The following CAMTA1 variants were observed in gnomAD, a reference collection of about 807,000 sequenced individuals.
CAMTA1 encodes calmodulin-binding transcription activator 1.
CAMTA1 carries 27 observed loss-of-function variants against 170.9 expected under a neutral mutation model. The observed-to-expected ratio is 0.16, with a 90% CI of 0.12 to 0.22. The LOEUF is 0.22. Among genes scored for constraint, CAMTA1 ranks in the 10% least tolerant of loss-of-function variants. The pLI is 1.00. For synonymous variants in CAMTA1, 833 were observed against 891.5 expected (o/e 0.93, Z 1.17); for missense variants, 1,619 against 2,217.2 (o/e 0.73, Z 5.42).
At chr1:7,632,893 G>C (rs2148872994) in intron 6 of CAMTA1, among the ~76,000 whole-genome samples, 1 of 152,362 alleles carries the variant, frequency 6.6e-6, no homozygotes, top group East Asian at 1.9e-4. Context: ...GCAGAGCTCA[G>C]CTCCCCTCTG....
chr1:7,362,604 T>G (rs1331975310), intron 5 of CAMTA1, among the ~76,000 whole-genome samples: 5 of 151,574 alleles, frequency 3.3e-5, no homozygotes, highest in Non-Finnish European at 7.4e-5. Context: ...TTGGTGGACT[T>G]TGGTAGGATT....
At chr1:7,436,109 T>C (rs2092338874) in intron 5 of CAMTA1, among the ~76,000 whole-genome samples, 1 of 152,194 alleles carries the variant, frequency 6.6e-6, no homozygotes, top group South Asian at 2.1e-4. Context: ...CTGATATGAA[T>C]ATTGATTGGA....
Position 7,594,117 on chromosome 1 carries a change from GAGAA to G in CAMTA1, c.511-46262_511-46259del, listed in dbSNP as rs373681342. 4.2e-3 allele frequency among the ~76,000 whole-genome samples: 549 copies of G among 130,764 alleles called. 12 individuals carry two copies. The highest frequency in any genetic ancestry group is 0.04 in the South Asian group (173 of 4,340). The allele number at this position is 130,764 out of a possible 152,430, so 85.8% of individuals were successfully genotyped here. ...AGAGGAAAGAAGAAAGAAAGAAAGA[GAGAA>G]AGAAAGAAAGAAAGAAAGAAGGAAG... On this transcript the variant is annotated intron_variant, in intron 6 of 22. Transcript: ENST00000303635.
At chr1:7,279,563 T>A (rs1671215440) in intron 5 of CAMTA1, among the ~76,000 whole-genome samples, 1 of 152,138 alleles carries the variant, frequency 6.6e-6, no homozygotes, top group African/African-American at 2.4e-5. Flanking sequence ...GAGCAGCTGC[T>A]CTGCATGGCT....
At chr1:7,084,607 T>G (rs1372798924) in intron 3 of CAMTA1, among the ~76,000 whole-genome samples, 1 of 152,226 alleles carries the variant, frequency 6.6e-6, no homozygotes, top group Non-Finnish European at 1.5e-5. Context: ...GGGGCCCTGC[T>G]CTCCTTGAAG....
intron 16 of CAMTA1, among the ~76,000 whole-genome samples, chr1:7,744,128 CT>C (rs60348958): frequency 0.014 from 1,142 of 84,234 alleles, 15 homozygotes; most frequent in African/African-American, 0.05. Flanking sequence ...CGCCTGGCCT[CT>C]TTTTTTTTTT....
At chr1:7,312,485 C>G (rs917776414) in intron 5 of CAMTA1, among the ~76,000 whole-genome samples, 1 of 152,104 alleles carries the variant, frequency 6.6e-6, no homozygotes, top group Non-Finnish European at 1.5e-5. Flanking sequence ...GCTCGTGGCT[C>G]TTTCAGGGGT....
chr1:7,666,753 A>C (rs1216980820), intron 9 of CAMTA1, among the ~76,000 whole-genome samples: 2 of 152,160 alleles, frequency 1.3e-5, no homozygotes, highest in Non-Finnish European at 2.9e-5. Flanking sequence ...AAAGCTAAGA[A>C]AATCTGTGTA....
chr1:6,961,652 C>T (rs546106157), intron 3 of CAMTA1, among the ~76,000 whole-genome samples: 1 of 152,304 alleles, frequency 6.6e-6, no homozygotes, highest in East Asian at 1.9e-4. Context: ...GGAATATTCA[C>T]TGGCAGTGAC....
rs984108369 is a variant in CAMTA1 at position 6,903,926 on chromosome 1, G to A, written c.234+78716G>A. 6.6e-5 allele frequency among the ~76,000 whole-genome samples: 10 copies of A among 152,284 alleles called. No individual in the cohort carries two copies. In the Middle Eastern group the frequency reaches 0.01, roughly 155 times the overall value. The stretch of plus-strand genomic sequence containing the variant: ...TGTACTCTCCATGGGCAGTGTCATC[G>A]TTGGGCAAGACTTCTATCATTACCA... On this transcript the variant is annotated intron_variant, in intron 3 of 22. Transcript: ENST00000303635.
chr1:7,057,810 C>T (rs1251516749), intron 3 of CAMTA1, among the ~76,000 whole-genome samples: 4 of 152,236 alleles, frequency 2.6e-5, no homozygotes, highest in Admixed American at 6.5e-5. Context: ...AGGAGACCTC[C>T]GCTTTGGCCA....
intron 6 of CAMTA1, among the ~76,000 whole-genome samples, chr1:7,560,074 C>G (rs1317284871): frequency 2.0e-5 from 3 of 152,184 alleles, no homozygotes; most frequent in African/African-American, 7.2e-5. Context: ...GAGGATGGAT[C>G]TAAATGGGGA....
chr1:7,526,742 C>T (rs2094436359), intron 6 of CAMTA1, among the ~76,000 whole-genome samples: 1 of 152,192 alleles, frequency 6.6e-6, no homozygotes, highest in Non-Finnish European at 1.5e-5. Flanking sequence ...TTCTGGATAC[C>T]CTCAGGGCAT....
Position 7,664,511 on chromosome 1 carries a change from C to T in CAMTA1, c.1964C>T (p.Thr655Ile). Residue 655 changes from threonine to isoleucine, a missense_variant, in exon 9 of 23, where the codon ACC becomes ATC. Physicochemically the swap from Thr to Ile is moderately conservative, Grantham distance 89. Coordinates refer to ENST00000303635, the MANE Select transcript of CAMTA1 (RefSeq NM_015215.4). ...GTGAAAACGGAGGCCTCGTCCCAAA[C>T]CAGCTCCTGCAGCGGTCACGTGGAG... is the stretch of plus-strand genomic sequence containing the variant. ...PTVKTEASSQ[T>I]SSCSGHVETR... 6.2e-7 allele frequency: 1 copy of T among 1,613,308 alleles called. No homozygotes were observed. The highest frequency in any genetic ancestry group is 8.5e-7 in the Non-Finnish European group (1 of 1,180,042).
At chr1:7,464,613 G>A (rs888726999) in intron 5 of CAMTA1, among the ~76,000 whole-genome samples, 10 of 152,062 alleles carry the variant, frequency 6.6e-5, no homozygotes, top group African/African-American at 2.4e-4. Flanking sequence ...AAGGGGAGAG[G>A]GAATCTCCTG....
At chr1:7,758,474 G>GTA (rs1281196489) in intron 22 of CAMTA1, among the ~76,000 whole-genome samples, 1 of 152,150 alleles carries the variant, frequency 6.6e-6, no homozygotes, top group Admixed American at 6.5e-5. Flanking sequence ...AAGGAATAGC[G>GTA]TATATATGGC....
intron 3 of CAMTA1, among the ~76,000 whole-genome samples, chr1:6,989,563 C>T (rs1695968878): frequency 6.6e-6 from 1 of 152,160 alleles, no homozygotes; most frequent in Admixed American, 6.5e-5. Context: ...TTTATGAGAA[C>T]TCACCGTTCA....
rs183694840 is a variant in CAMTA1 at position 7,435,488 on chromosome 1, G to A, written c.439-32342G>A. Among the ~76,000 whole-genome samples, 47 of 152,348 alleles carry A rather than the reference G, an allele frequency of 3.1e-4. No homozygotes were observed. The highest frequency in any genetic ancestry group is 9.6e-4 in the African/African-American group (40 of 41,590). The stretch of plus-strand genomic sequence containing the variant: ...GAAACAGAACCTTCCGGTTTGTTGA[G>A]GGTTGGGTCATCATCCCCTCTGTTA... On this transcript the variant is annotated intron_variant, in intron 5 of 22. Transcript: ENST00000303635. This position sits in a 1 kb window ranked among gnomAD's most constrained non-coding sequence, Gnocchi z 4.4.
chr1:6,862,911 C>CA (rs1167668126), intron 3 of CAMTA1, among the ~76,000 whole-genome samples: 4 of 151,954 alleles, frequency 2.6e-5, no homozygotes, highest in African/African-American at 9.7e-5. Context: ...ATCTTTTACC[C>CA]AAAAAAGATA....
Sources: allele counts gnomAD v4.1 joint callset (sites outside exome capture counted in the v4.1 genomes callset), GRCh38; gene constraint gnomAD v4.1.1; non-coding constraint Gnocchi (gnomAD v3.1); transcripts MANE v1.5; gene names NCBI Gene and HGNC (gene_info 2026-07-23, HGNC 2026-07-21).